Variants in USP48 observed in about 807,000 individuals in gnomAD.
The protein encoded by USP48 is ubiquitin carboxyl-terminal hydrolase 48.
Under a neutral mutation model 150.7 loss-of-function variants are expected in USP48, and 43 were observed. That is an observed-to-expected ratio of 0.29 (90% CI 0.22 to 0.37). The LOEUF (loss-of-function observed/expected upper bound fraction) is 0.37, where lower values mean the gene tolerates loss of function less well. USP48 is among the 10% of genes least tolerant of loss of function. The pLI is 1.00. For synonymous variants in USP48, 396 were observed against 425.9 expected (o/e 0.93, Z 0.86); for missense variants, 813 against 1,249.6 (o/e 0.65, Z 5.27).
chr1:21,705,881 A>G, intron 18 of USP48, 44 bp from the exon 19 acceptor site: 2 of 1,428,666 alleles, frequency 1.4e-6, no homozygotes, highest in Non-Finnish European at 1.9e-6. Flanking sequence ...TAATTACTGC[A>G]TGACGAAAGA....
intron 15 of USP48, among the ~76,000 whole-genome samples, chr1:21,707,964 C>T (rs2097677748): frequency 6.6e-6 from 1 of 152,066 alleles, no homozygotes; most frequent in Non-Finnish European, 1.5e-5. Context: ...GAGTTTGAGA[C>T]CAGCCTGGCC....
At chr1:21,712,148 C>T (rs889141007) in intron 15 of USP48, among the ~76,000 whole-genome samples, 4 of 152,190 alleles carry the variant, frequency 2.6e-5, no homozygotes, top group Admixed American at 2.0e-4. Flanking sequence ...CAACTGAGGT[C>T]AGGAGTTCGA....
At chr1:21,738,218 C>G (rs576125192) in intron 8 of USP48, among the ~76,000 whole-genome samples, 4 of 151,846 alleles carry the variant, frequency 2.6e-5, no homozygotes, top group African/African-American at 9.7e-5. Context: ...CCACCACACC[C>G]GGCTAATTTT....
intron 14 of USP48, among the ~76,000 whole-genome samples, chr1:21,718,738 A>C (rs1383849089): frequency 1.3e-5 from 2 of 151,984 alleles, no homozygotes. Flanking sequence ...TTGTATTTTT[A>C]GTAGAGAAGG....
chr1:21,711,905 C>T (rs746154829), intron 15 of USP48, among the ~76,000 whole-genome samples: 79 of 152,136 alleles, frequency 5.2e-4, no homozygotes, highest in Non-Finnish European at 7.3e-5. Flanking sequence ...TAAATTTTCA[C>T]GGAAAAAATA....
intron 6 of USP48, among the ~76,000 whole-genome samples, chr1:21,749,550 C>T (rs2097803738): frequency 6.6e-6 from 1 of 152,044 alleles, no homozygotes; most frequent in African/African-American, 2.4e-5. Context: ...CCTTGACTCC[C>T]CTCTTACTCT....
intron 1 of USP48, among the ~76,000 whole-genome samples, chr1:21,770,863 C>T (rs1434166257): frequency 4.6e-5 from 7 of 151,952 alleles, no homozygotes; most frequent in Non-Finnish European, 1.0e-4. Flanking sequence ...TGGCTCACGC[C>T]TGTAATCCCA....
rs116358262 is a variant in USP48, at chr1:21,693,888, T to C, written c.2883+1178A>G. Among the ~76,000 whole-genome samples, 688 of 152,346 alleles carry C rather than the reference T, an allele frequency of 4.5e-3. 4 individuals are homozygous for C. Among genetic ancestry groups the C allele is most frequent in the African/African-American group, 0.016 (656 of 41,570 alleles). On this transcript the variant is annotated intron_variant, in intron 23 of 26. Coordinates refer to ENST00000308271, the MANE Select transcript of USP48 (RefSeq NM_032236.8). The stretch of plus-strand genomic sequence containing the variant: ...CACCCTCAAAGGAAGGCCTGTACTT[T>C]TGCCTCAATTACAATGATAAATATC...
chr1:21,682,601 G>A (rs1306723233), intron 25 of USP48, among the ~76,000 whole-genome samples: 2 of 152,114 alleles, frequency 1.3e-5, no homozygotes, highest in South Asian at 2.1e-4. Context: ...TGTGGGCCAG[G>A]CGTAGTGGCT....
chr1:21,688,282 A>C (rs527826151), intron 24 of USP48, among the ~76,000 whole-genome samples: 7 of 152,012 alleles, frequency 4.6e-5, no homozygotes, highest in African/African-American at 1.7e-4. Flanking sequence ...GCAGTGGCGC[A>C]ATCTCGGCTC....
chr1:21,729,723 G>T lies in USP48; in HGVS notation c.1281C>A (p.Asn427Lys). ...CTTTACCTGGAACTTGAACAGTAGT[G>T]TTGGGCTTTTCTTGAGTTTGCAGTC... ...VYRLQTQEKP[N>K]TTVQVPAFLQ... The change falls in exon 10 of 27, where the codon AAC (asparagine) becomes AAA (lysine). Residue 427 changes from asparagine (N) to lysine (K), a missense_variant. Physicochemically the swap from Asn to Lys is moderately conservative, Grantham distance 94 (BLOSUM62 0). Coordinates refer to ENST00000308271, the MANE Select transcript of USP48 (RefSeq NM_032236.8). 1 of 1,614,042 alleles carries T rather than the reference G, an allele frequency of 6.2e-7. No individual in the cohort carries two copies. Among genetic ancestry groups the T allele is most frequent in the South Asian group, 1.1e-5 (1 of 91,076 alleles).
In USP48 at chr1:21,751,563, C is replaced by G. The variant is rs972857519; in HGVS notation, c.718G>C (p.Glu240Gln). The G allele has an allele frequency of 3.1e-6, 5 of 1,613,816 alleles. No individual in the cohort carries two copies. In the African/African-American group the frequency reaches 5.3e-5, roughly 17 times the overall value. The stretch of plus-strand genomic sequence containing the variant: ...TGTTTGTGGCCTTGGATATTTAACT[C>G]CAGCTCATAAAATTTTGACAAAAGC... ...SKLLSKFYELELNIQGHKQLT... is the reference protein window; with the variant it reads ...SKLLSKFYELQLNIQGHKQLT... Residue 240 changes from glutamate to glutamine, a missense_variant, in exon 6 of 27, where the codon GAG becomes CAG. Coordinates refer to ENST00000308271, the MANE Select transcript of USP48 (RefSeq NM_032236.8).
At chr1:21,752,966 A>T (rs1317223155) in intron 4 of USP48, 26 bp downstream of exon 4, 3 of 1,358,942 alleles carry the variant, frequency 2.2e-6, no homozygotes, top group African/African-American at 3.2e-5. Context: ...TGAATATTTA[A>T]AAAAAAAAAA....
intron 15 of USP48, among the ~76,000 whole-genome samples, chr1:21,711,513 C>T (rs1030426204): frequency 6.6e-6 from 1 of 152,166 alleles, no homozygotes; most frequent in African/African-American, 2.4e-5. Flanking sequence ...GATAATTAAA[C>T]CTTTCCACTC....
chr1:21,705,196 C>T (rs996681499), intron 19 of USP48, among the ~76,000 whole-genome samples: 1 of 152,176 alleles, frequency 6.6e-6, no homozygotes, highest in Non-Finnish European at 1.5e-5. Flanking sequence ...ATGTTGGAAG[C>T]ATTCTACCTT....
chr1:21,748,788 G>C (rs1398077065), intron 6 of USP48, among the ~76,000 whole-genome samples: 1 of 152,186 alleles, frequency 6.6e-6, no homozygotes, highest in African/African-American at 2.4e-5. Context: ...GTACACACCT[G>C]TGGTCCCAAC....
intron 15 of USP48, among the ~76,000 whole-genome samples, chr1:21,713,448 T>C (rs74390124): frequency 1.3e-5 from 2 of 152,092 alleles, no homozygotes; most frequent in South Asian, 4.1e-4. Context: ...GAGTGGAGTA[T>C]GTGTCCTGAA....
chr1:21,728,560 T>C lies in USP48; in HGVS notation c.1450+10A>G, dbSNP rs2097746369. ...ATGGCAACAGTGCTGTCCCAGAATA[T>C]CTTACAGACCAGCTCCAGCAGGTAA... is the stretch of plus-strand genomic sequence containing the variant. On this transcript the variant is annotated intron_variant, in intron 11 of 26. Transcript: ENST00000308271. 1.2e-6 allele frequency: 2 copies of C among 1,612,450 alleles called. No homozygotes were observed. The highest frequency in any genetic ancestry group is 1.7e-6 in the Non-Finnish European group (2 of 1,179,382).
chr1:21,725,285 C>G (rs1044435581), intron 11 of USP48, among the ~76,000 whole-genome samples: 2 of 152,176 alleles, frequency 1.3e-5, no homozygotes, highest in African/African-American at 4.8e-5. Flanking sequence ...CTTAAACTTT[C>G]TATGTTTCCA....
Sources: allele counts gnomAD v4.1 joint callset (sites outside exome capture counted in the v4.1 genomes callset), GRCh38; gene constraint gnomAD v4.1.1; transcripts MANE v1.5; gene names NCBI Gene and HGNC (gene_info 2026-07-23, HGNC 2026-07-21).